Variants in PHACTR1 observed in about 807,000 individuals in gnomAD.
The protein encoded by PHACTR1 is RPEL repeat containing 1.
A neutral mutation model predicts 69.2 loss-of-function variants in PHACTR1; 16 were observed. That is an observed-to-expected ratio of 0.23 (90% CI 0.16 to 0.35). PHACTR1 has a LOEUF of 0.35. Ranked by LOEUF, PHACTR1 falls within the 10% of genes least tolerant of loss-of-function variation. The pLI is 1.00. For missense variants in PHACTR1, 510 were observed against 734.7 expected (o/e 0.69, Z 3.54); for synonymous variants, 312 against 284.5 (o/e 1.10, Z -0.97).
At chr6:13,251,239 C>T (rs1007019834) in intron 10 of PHACTR1, among the ~76,000 whole-genome samples, 12 of 152,152 alleles carry the variant, frequency 7.9e-5, no homozygotes, top group African/African-American at 2.4e-4. Flanking sequence ...TGGCCATAGG[C>T]GGGCGCTCTC....
intron 4 of PHACTR1, among the ~76,000 whole-genome samples, chr6:12,864,075 G>A (rs73722895): frequency 0.016 from 2,408 of 152,240 alleles, 56 homozygotes; most frequent in African/African-American, 0.053. Context: ...TCCTGATCTG[G>A]CGTAGAGTGG....
intron 4 of PHACTR1, among the ~76,000 whole-genome samples, chr6:13,027,030 A>C (rs1801792310): frequency 6.6e-6 from 1 of 152,230 alleles, no homozygotes; most frequent in Admixed American, 6.5e-5. Context: ...AGTCCTCTGC[A>C]ATACAGCTAA....
At chr6:13,121,531 A>G (rs1818734640) in intron 5 of PHACTR1, among the ~76,000 whole-genome samples, 1 of 152,254 alleles carries the variant, frequency 6.6e-6, no homozygotes, top group Non-Finnish European at 1.5e-5. Flanking sequence ...TCTGCTATGT[A>G]GGATATTATC....
intron 4 of PHACTR1, among the ~76,000 whole-genome samples, chr6:12,847,432 A>G (rs1206630278): frequency 2.0e-5 from 3 of 152,206 alleles, no homozygotes; most frequent in African/African-American, 4.8e-5. Context: ...GTCAACTTAT[A>G]TGACACAAAG....
At chr6:13,257,522 G>GAAATA (rs201970800) in intron 10 of PHACTR1, among the ~76,000 whole-genome samples, 1 of 152,084 alleles carries the variant, frequency 6.6e-6, no homozygotes, top group Non-Finnish European at 1.5e-5. Context: ...AAGTAAAATG[G>GAAATA]AAATAAAATA....
At chr6:12,718,629 A>T in intron 2 of PHACTR1, 70 bp from the exon 3 acceptor site, 1 of 428,016 alleles carries the variant, frequency 2.3e-6, no homozygotes, top group Non-Finnish European at 4.1e-6. Flanking sequence ...CAAACATTTT[A>T]AAGTACATCT....
chr6:12,844,665 G>C (rs1779025344), intron 4 of PHACTR1, among the ~76,000 whole-genome samples: 1 of 151,960 alleles, frequency 6.6e-6, no homozygotes, highest in East Asian at 1.9e-4. Context: ...AAAGCACAGA[G>C]AAATACTAGA....
chr6:13,119,083 C>A (rs1238336731), intron 5 of PHACTR1, among the ~76,000 whole-genome samples: 1 of 152,116 alleles, frequency 6.6e-6, no homozygotes, highest in African/African-American at 2.4e-5. Context: ...CTCTTTTCAG[C>A]CTCTCTCTTT....
Position 13,014,947 on chromosome 6 carries a change from C to T in PHACTR1, c.251-38418C>T, listed in dbSNP as rs1799959178. ...GTGGCTGTGCATTTGCGCGACCCTC[C>T]AGGCGGTTCCCGAGCAGCTCACCGA... On this transcript the variant is annotated intron_variant, in intron 4 of 14. Coordinates refer to ENST00000332995, the MANE Select transcript of PHACTR1 (RefSeq NM_030948.6). Among the ~76,000 whole-genome samples, 5 of 152,250 alleles carry T rather than the reference C, an allele frequency of 3.3e-5. No homozygotes were observed. In the South Asian group the frequency reaches 1.0e-3, roughly 31 times the overall value.
At chr6:13,207,831 G>A (rs896634837) in intron 8 of PHACTR1, among the ~76,000 whole-genome samples, 5 of 151,966 alleles carry the variant, frequency 3.3e-5, no homozygotes, top group Non-Finnish European at 7.4e-5. Flanking sequence ...AGGTCCCAGC[G>A]AATCACCAGA....
At chr6:13,046,634 T>C (rs1218954226) in intron 4 of PHACTR1, among the ~76,000 whole-genome samples, 2 of 152,122 alleles carry the variant, frequency 1.3e-5, no homozygotes, top group Admixed American at 6.6e-5. Flanking sequence ...ATGGTGTATA[T>C]TTTTCCTTTA....
chr6:12,978,025 C>T (rs1795096434), intron 4 of PHACTR1, among the ~76,000 whole-genome samples: 1 of 152,200 alleles, frequency 6.6e-6, no homozygotes, highest in African/African-American at 2.4e-5. Context: ...TGGAAAGGGG[C>T]CCAGGCCTAA....
At chr6:12,850,776 G>A (rs1437724944) in intron 4 of PHACTR1, among the ~76,000 whole-genome samples, 1 of 152,134 alleles carries the variant, frequency 6.6e-6, no homozygotes, top group African/African-American at 2.4e-5. Flanking sequence ...TTACATGGCT[G>A]TCTTTTCCCT....
At chr6:13,055,121 G>A (rs1806571361) in intron 5 of PHACTR1, among the ~76,000 whole-genome samples, 1 of 152,110 alleles carries the variant, frequency 6.6e-6, no homozygotes, top group Non-Finnish European at 1.5e-5. Context: ...TCTCATGATA[G>A]CCATGTTTTC....
At chr6:13,183,723 A>G (rs1762477462) in intron 7 of PHACTR1, among the ~76,000 whole-genome samples, 1 of 152,126 alleles carries the variant, frequency 6.6e-6, no homozygotes, top group African/African-American at 2.4e-5. Flanking sequence ...ACACCCTCCC[A>G]CCCCAGGGAG....
intron 5 of PHACTR1, among the ~76,000 whole-genome samples, chr6:13,103,508 A>C (rs73369823): frequency 0.01 from 1,569 of 152,336 alleles, 15 homozygotes; most frequent in African/African-American, 0.035. Flanking sequence ...ATTTCAATTC[A>C]TCTCCCAGTA....
rs1336449680 is a variant in PHACTR1, at chr6:12,957,732, G to C, written c.251-95633G>C. ...ATAAAATGGACCCTTCATGCCAGATGGGTGGCCACCTAGTCCACGGTGAGT... is the reference window on the plus strand; with the variant it reads ...ATAAAATGGACCCTTCATGCCAGATCGGTGGCCACCTAGTCCACGGTGAGT... On this transcript the variant is annotated intron_variant, in intron 4 of 14. Coordinates refer to ENST00000332995, the MANE Select transcript of PHACTR1 (RefSeq NM_030948.6). 6.1e-5 allele frequency: 60 copies of C among 985,528 alleles called. 1 individual carries two copies. The Middle Eastern group carries it at 3.1e-3, about 51-fold the overall frequency. The allele number at this position is 985,528 out of a possible 1,614,324, so 61.0% of individuals were successfully genotyped here. A position where few individuals can be genotyped will look rare whatever the true frequency, so the allele number is the denominator to read the frequency against.
chr6:12,721,445 T>TAA (rs901848280), intron 3 of PHACTR1, among the ~76,000 whole-genome samples: 1 of 151,916 alleles, frequency 6.6e-6, no homozygotes, highest in Non-Finnish European at 1.5e-5. Context: ...TGATAAAAGT[T>TAA]AAAAAGTTAA....
At chr6:12,742,660 C>G (rs1368650150) in intron 3 of PHACTR1, among the ~76,000 whole-genome samples, 1 of 152,102 alleles carries the variant, frequency 6.6e-6, no homozygotes, top group Non-Finnish European at 1.5e-5. Flanking sequence ...ATTTCCTCCT[C>G]CCTTTTTACA....
Sources: allele counts gnomAD v4.1 joint callset (sites outside exome capture counted in the v4.1 genomes callset), GRCh38; gene constraint gnomAD v4.1.1; transcripts MANE v1.5; gene names NCBI Gene and HGNC (gene_info 2026-07-23, HGNC 2026-07-21).